The following SYT2 variants were observed in gnomAD, a reference collection of about 807,000 sequenced individuals.
SYT2 encodes the protein synaptotagmin-2.
In SYT2, 15 loss-of-function variants were observed where a neutral mutation model predicts 39.9. The observed-to-expected ratio is 0.38, with a 90% CI of 0.25 to 0.58. The LOEUF (loss-of-function observed/expected upper bound fraction) is 0.58. Ranked by LOEUF, SYT2 falls within the 20% of genes least tolerant of loss-of-function variation. The pLI is 0.70. For missense variants in SYT2, 389 were observed against 530.3 expected, an observed-to-expected ratio of 0.73 and a Z score of 2.62; for synonymous variants, 181 against 204.5, an observed-to-expected ratio of 0.89 and a Z score of 0.98.
At chr1:202,621,137 G>A (rs1691192337) in intron 1 of SYT2, among the ~76,000 whole-genome samples, 1 of 152,160 alleles carries the variant, frequency 6.6e-6, no homozygotes, top group Admixed American at 6.5e-5. Context: ...GAAAGGAGGA[G>A]CTGGAAAATA....
Position 202,605,776 on chromosome 1 carries a change from G to A in SYT2, c.-4C>T, listed in dbSNP as rs1261016039. On this transcript the variant is annotated 5_prime_UTR_variant, in exon 2 of 9. Coordinates refer to ENST00000367268, the MANE Select transcript of SYT2 (RefSeq NM_177402.5). ...TCCTCTTGAAAATGTTCCTCATGGT[G>A]GCAGAGGAAACAGCTGGGGACGAGA... 2.5e-6 allele frequency: 4 copies of A among 1,613,640 alleles called. No individual in the cohort carries two copies. The highest frequency in any genetic ancestry group is 1.7e-6 in the Non-Finnish European group (2 of 1,179,608).
chr1:202,642,892 T>C (rs1361977758), intron 1 of SYT2, among the ~76,000 whole-genome samples: 1 of 152,232 alleles, frequency 6.6e-6, no homozygotes, highest in Non-Finnish European at 1.5e-5. Flanking sequence ...TCGCCTTCGC[T>C]TCACCGCAGG....
chr1:202,687,677 A>AG (rs906948818), intron 1 of SYT2, among the ~76,000 whole-genome samples: 11 of 151,706 alleles, frequency 7.3e-5, no homozygotes, highest in Admixed American at 2.0e-4. Flanking sequence ...AAAAAAAAAA[A>AG]AAAAAAAGAA....
chr1:202,610,945 A>C (rs1009782334), intron 1 of SYT2, among the ~76,000 whole-genome samples: 4 of 152,064 alleles, frequency 2.6e-5, no homozygotes, highest in African/African-American at 9.7e-5. Context: ...GCTACCAATG[A>C]CTTTCTTCAC....
rs946723737 is a variant in SYT2 at position 202,593,173 on chromosome 1, G to T, written c.*3584C>A. On this transcript the variant is annotated 3_prime_UTR_variant, in exon 9 of 9. Coordinates refer to ENST00000367268, the MANE Select transcript of SYT2 (RefSeq NM_177402.5). ...TGGCTCAATCTCTTTCTACCTTTGA[G>T]TGGGAGGGGACACCCTCAGGGACAG... The T allele has an allele frequency of 5.3e-5, 8 of 152,310 alleles. No homozygotes were observed. The highest frequency in any genetic ancestry group is 1.0e-4 in the Non-Finnish European group (7 of 68,112). The allele number at this position is 152,310 out of a possible 1,614,324, so 9.4% of individuals were successfully genotyped here. A position where few individuals can be genotyped will look rare whatever the true frequency, so the allele number is the denominator to read the frequency against.
intron 1 of SYT2, among the ~76,000 whole-genome samples, chr1:202,684,072 G>A: frequency 6.6e-6 from 1 of 151,916 alleles, no homozygotes; most frequent in East Asian, 1.9e-4. Flanking sequence ...ATGTATTTTT[G>A]TATATATTTA....
intron 1 of SYT2, 93 bp from the exon 2 acceptor site, chr1:202,605,882 T>C: frequency 1.2e-6 from 1 of 819,766 alleles, no homozygotes; most frequent in Non-Finnish European, 1.9e-6. Context: ...AAGCTCTTTA[T>C]AGATCAAAGA....
At chr1:202,675,293 C>T (rs1436163176) in intron 1 of SYT2, among the ~76,000 whole-genome samples, 1 of 151,752 alleles carries the variant, frequency 6.6e-6, no homozygotes, top group Admixed American at 6.6e-5. Flanking sequence ...GTGTGCCAAA[C>T]ACACTAATAG....
chr1:202,702,716 C>T (rs1051463620), intron 1 of SYT2, among the ~76,000 whole-genome samples: 19 of 152,224 alleles, frequency 1.2e-4, no homozygotes, highest in African/African-American at 4.6e-4. Flanking sequence ...CATCTTAGGC[C>T]CTATGACCGG....
At chr1:202,625,252 TGTGTGTGGC>T (rs1691359990) in intron 1 of SYT2, among the ~76,000 whole-genome samples, 1 of 115,852 alleles carries the variant, frequency 8.6e-6, no homozygotes. Flanking sequence ...GTGTGTGTGG[TGTGTGTGGC>T]ATGTAGTAGG....
At chr1:202,682,668 G>A (rs568652666) in intron 1 of SYT2, among the ~76,000 whole-genome samples, 4 of 152,198 alleles carry the variant, frequency 2.6e-5, no homozygotes, top group Non-Finnish European at 4.4e-5. Flanking sequence ...ACTGAGGCAC[G>A]GGCTCTCTGA....
chr1:202,651,136 G>A (rs1190810032), intron 1 of SYT2, among the ~76,000 whole-genome samples: 3 of 152,156 alleles, frequency 2.0e-5, no homozygotes, highest in Non-Finnish European at 2.9e-5. Context: ...AAGAGGGAGT[G>A]TTGCGGCAGG....
At chr1:202,691,158 A>G (rs1412635154) in intron 1 of SYT2, among the ~76,000 whole-genome samples, 1 of 152,176 alleles carries the variant, frequency 6.6e-6, no homozygotes, top group Non-Finnish European at 1.5e-5. Context: ...GCGGTAACCT[A>G]AATATTGCCT....
chr1:202,697,270 C>T (rs531329547), intron 1 of SYT2, among the ~76,000 whole-genome samples: 6 of 152,238 alleles, frequency 3.9e-5, no homozygotes, highest in Admixed American at 2.0e-4. Flanking sequence ...TGAGCCCAGC[C>T]GGTAAGTGGC....
At chr1:202,708,842 CAG>C (rs1013894758) in intron 1 of SYT2, among the ~76,000 whole-genome samples, 1 of 152,226 alleles carries the variant, frequency 6.6e-6, no homozygotes, top group Non-Finnish European at 1.5e-5. Context: ...CTGCTGGTCA[CAG>C]AGATGTTTCT....
intron 2 of SYT2, 68 bp downstream of exon 2, chr1:202,605,527 C>G: frequency 1.7e-5 from 24 of 1,437,966 alleles, no homozygotes; most frequent in African/African-American, 2.8e-5. Flanking sequence ...CCAGTGGTAT[C>G]CCCACCCTTC....
rs2149058445 is a variant in SYT2, at chr1:202,592,136, T to C, written c.*4621A>G. 1 of 152,896 alleles carries C rather than the reference T, an allele frequency of 6.5e-6. No homozygotes were observed. Among genetic ancestry groups the C allele is most frequent in the African/African-American group, 2.4e-5 (1 of 41,546 alleles). The allele number at this position is 152,896 out of a possible 1,614,324, so 9.5% of individuals were successfully genotyped here. Reference sequence around the variant, plus strand: ...CAAATCTCCAGCAGGAGGCCCCCTTTATGGCTTTTCAGTGAATTCAAACAG... The same window carrying C: ...CAAATCTCCAGCAGGAGGCCCCCTTCATGGCTTTTCAGTGAATTCAAACAG... On this transcript the variant is annotated 3_prime_UTR_variant, in exon 9 of 9. Coordinates refer to ENST00000367268, the MANE Select transcript of SYT2 (RefSeq NM_177402.5).
chr1:202,695,736 GA>G (rs1224889393), intron 1 of SYT2, among the ~76,000 whole-genome samples: 7 of 152,190 alleles, frequency 4.6e-5, no homozygotes, highest in African/African-American at 1.4e-4. Flanking sequence ...CTTGTCTGAG[GA>G]AGAGACCTTG....
chr1:202,693,648 C>T (rs1008572192), intron 1 of SYT2, among the ~76,000 whole-genome samples: 1 of 152,168 alleles, frequency 6.6e-6, no homozygotes, highest in African/African-American at 2.4e-5. Context: ...CTTTCAAGGT[C>T]ATACCTCCAA....
Sources: gnomAD v4.1 joint callset for allele counts (sites outside exome capture counted in the v4.1 genomes callset) on GRCh38, gnomAD v4.1.1 for gene constraint, MANE v1.5 for transcripts, NCBI Gene and HGNC (gene_info 2026-07-23, HGNC 2026-07-21) for gene names.